HNRNPH1: variants seen among roughly 807,000 people sequenced by gnomAD.
HNRNPH1 encodes the protein heterogeneous nuclear ribonucleoprotein H1, also known as heterogeneous nuclear ribonucleoprotein H.
In HNRNPH1, 4 loss-of-function variants were observed where a neutral mutation model predicts 58.6. The ratio of observed to expected loss-of-function variants is 0.07; its 90% confidence interval spans 0.03 to 0.16. The LOEUF is 0.16. Among genes scored for constraint, HNRNPH1 ranks in the 10% least tolerant of loss-of-function variants. The probability of loss-of-function intolerance (pLI) is 1.00; values close to 1 mark genes in which losing one functional copy is unlikely to be tolerated. For synonymous variants in HNRNPH1, 192 were observed against 189.2 expected (o/e 1.01, Z -0.12); for missense variants, 271 against 564.2 (o/e 0.48, Z 5.26).
At chr5:179,617,100 A>G (rs140911710) in exon 9 of HNRNPH1, 48 of 1,613,874 alleles carry the variant, frequency 3.0e-5, no homozygotes, top group East Asian at 4.5e-5. Context: ...AGAGTTCTAC[A>G]TATCTGTGTT....
intron 1 of HNRNPH1, chr5:179,621,983 T>C: frequency 2.2e-6 from 1 of 456,314 alleles, no homozygotes; most frequent in Non-Finnish European, 4.4e-6. Flanking sequence ...AACGCTAAAT[T>C]CAGATAGTAA....
Position 179,616,226 on chromosome 5 carries a change from G to A in HNRNPH1, c.1208-8C>T, listed in dbSNP as rs778055221. 1.4e-5 allele frequency: 23 copies of A among 1,610,560 alleles called. No homozygotes were observed. The Admixed American group carries it at 3.5e-4, about 25-fold the overall frequency. On this transcript the variant is annotated splice_polypyrimidine_tract_variant and splice_region_variant and intron_variant, in intron 10 of 12. Transcript: ENST00000356731. Reference sequence around the variant, plus strand: ...CGTAGCTGGACTGGTTTGCTGTTAAGTTAAGAAAACATTAGAACCTTTTTT... The same window carrying A: ...CGTAGCTGGACTGGTTTGCTGTTAAATTAAGAAAACATTAGAACCTTTTTT...
At chr5:179,624,353 G>A (rs1042185393) in exon 1 of HNRNPH1, 23 of 396,078 alleles carry the variant, frequency 5.8e-5, no homozygotes, top group Non-Finnish European at 9.3e-5. Context: ...GTCGGCGCGA[G>A]GTTTCCGTGC....
chr5:179,616,305 T>C (rs1769621872), intron 10 of HNRNPH1, 87 bp from the exon 12 acceptor site: 1 of 1,059,746 alleles, frequency 9.4e-7, no homozygotes, highest in Admixed American at 1.7e-5. Context: ...TAGCTATCAT[T>C]TTCCAGTCTT....
chr5:179,621,181 G>A (rs1772135889), intron 2 of HNRNPH1, 61 bp downstream of exon 3: 3 of 1,538,148 alleles, frequency 2.0e-6, no homozygotes, highest in Admixed American at 3.4e-5. Context: ...AAATTCAGAA[G>A]GGGTGAGACC....
chr5:179,615,331 G>A, intron 12 of HNRNPH1: 1 of 474,390 alleles, frequency 2.1e-6, no homozygotes, highest in Non-Finnish European at 3.8e-6. Flanking sequence ...CCCTCGAATG[G>A]CATTTGAGAA....
At position 179,621,415 on chromosome 5, in the gene HNRNPH1, G is replaced by T. The variant is rs777407317; in HGVS notation, c.98-18C>A. 1.9e-6 allele frequency: 3 copies of T among 1,607,720 alleles called. No individual in the cohort carries two copies. Among genetic ancestry groups the T allele is most frequent in the Non-Finnish European group, 1.7e-6 (2 of 1,177,182 alleles). On this transcript the variant is annotated intron_variant, in intron 1 of 12. Transcript: ENST00000356731. ...TTTGCAGTCTGGAAAGAAAACAACC[G>T]TTAATACAGAATTTAAAACCTAAAA...
chr5:179,614,787 A>AGG (rs1562185071), exon 13 of HNRNPH1: 10 of 221,270 alleles, frequency 4.5e-5, no homozygotes, highest in African/African-American at 3.4e-4. Flanking sequence ...TCTTAAAGAA[A>AGG]AAAAAAAAAA....
chr5:179,632,676 C>T (rs1343277633), intron 2 of HNRNPH1, among the ~76,000 whole-genome samples: 1 of 152,040 alleles, frequency 6.6e-6, no homozygotes, highest in Non-Finnish European at 1.5e-5. Context: ...ACGCAGGCGG[C>T]CGGTTTTGAA....
exon 13 of HNRNPH1, chr5:179,614,448 C>T (rs368360324): frequency 6.4e-6 from 1 of 155,816 alleles, no homozygotes; most frequent in Admixed American, 6.3e-5. Flanking sequence ...GTAGACACAG[C>T]TCCTATATTG....
At chr5:179,615,209 AT>A in intron 12 of HNRNPH1, 6 of 439,566 alleles carry the variant, frequency 1.4e-5, no homozygotes, top group Non-Finnish European at 2.4e-5. Context: ...AACATGAAAA[AT>A]TAAGTTTAAA....
chr5:179,621,204 T>C (rs4701144), intron 2 of HNRNPH1, 38 bp downstream of exon 3: 161,383 of 1,589,620 alleles, frequency 0.1, 8,646 homozygotes, highest in Middle Eastern at 0.13. Context: ...TATTGTTTAA[T>C]GCTTTATTTA....
At chr5:179,616,713 G>A (rs1769905824) in intron 10 of HNRNPH1, 156 bp downstream of exon 11, 3 of 662,892 alleles carry the variant, frequency 4.5e-6, no homozygotes, top group East Asian at 2.7e-5. Context: ...TAACTCACAA[G>A]GATTTAAGTA....
Position 179,614,756 on chromosome 5 carries a change from G to GA in HNRNPH1, c.*203dup, listed in dbSNP as rs1768636012. On this transcript the variant is annotated 3_prime_UTR_variant, in exon 13 of 13. Coordinates refer to ENST00000356731, the Ensembl canonical transcript of HNRNPH1. ...GCATAAATCACAAGCTTGTATTGCA[G>GA]AAACTGTTAAACTGAAGTTTTCTTA... is the stretch of plus-strand genomic sequence containing the variant. 5.9e-6 allele frequency: 4 copies of GA among 677,730 alleles called. 1 individual carries two copies. Among genetic ancestry groups the GA allele is most frequent in the Non-Finnish European group, 9.6e-6 (4 of 417,874 alleles). 42.0% of individuals were successfully genotyped at this position (677,730 alleles called of 1,614,324 possible). A position where few individuals can be genotyped will look rare whatever the true frequency, so the allele number is the denominator to read the frequency against.
intron 10 of HNRNPH1, chr5:179,616,516 T>C (rs1769767731): frequency 1.9e-6 from 1 of 521,034 alleles, no homozygotes; most frequent in Non-Finnish European, 3.4e-6. Context: ...CTGGATTTAG[T>C]GGGTTCCCCC....
Position 179,620,397 on chromosome 5 carries a change from G to GT in HNRNPH1, c.397+494dup, listed in dbSNP as rs1309425427. On this transcript the variant is annotated intron_variant, in intron 3 of 12. Transcript: ENST00000356731. ...CTACTCTCACTACATCTGATTTTCA[G>GT]TAAGTTTATACCACACAGGTTAAAC... Among the ~76,000 whole-genome samples, 3 of 152,272 alleles carry GT rather than the reference G, an allele frequency of 2.0e-5. No homozygotes were observed. In the East Asian group the frequency reaches 5.8e-4, roughly 29 times the overall value.
At chr5:179,619,190 T>A in intron 4 of HNRNPH1, 79 bp downstream of exon 5, 1 of 1,254,194 alleles carries the variant, frequency 8.0e-7, no homozygotes, top group Non-Finnish European at 1.1e-6. Flanking sequence ...CATTAATTTC[T>A]TCTTTTAAGC....
At chr5:179,622,959 CCCGCCCCAGCCCGGCCGCCCG>C (rs1581735445) in intron 1 of HNRNPH1, 57 bp downstream of exon 2, 1 of 143,910 alleles carries the variant, frequency 6.9e-6, no homozygotes, top group East Asian at 2.1e-4. Context: ...CCCGCCCCGC[CCCGCCCCAGCCCGGCCGCCCG>C]CCAGCCCGCC....
exon 13 of HNRNPH1, chr5:179,614,867 T>TG: frequency 6.5e-7 from 1 of 1,541,264 alleles, no homozygotes; most frequent in Non-Finnish European, 8.8e-7. Flanking sequence ...CCACTCATAC[T>TG]GGACATGCTA....
Sources: allele counts gnomAD v4.1 joint callset (sites outside exome capture counted in the v4.1 genomes callset), GRCh38; gene constraint gnomAD v4.1.1; transcripts MANE v1.5; gene names NCBI Gene and HGNC (gene_info 2026-07-23, HGNC 2026-07-21).